MINK1: variants seen among roughly 807,000 people sequenced by gnomAD.
MINK1 encodes misshapen like kinase 1.
A neutral mutation model predicts 178.4 loss-of-function variants in MINK1; 46 were observed. The observed-to-expected ratio is 0.26, with a 90% confidence interval of 0.20 to 0.33. The LOEUF is 0.33. Among genes scored for constraint, MINK1 ranks in the 10% least tolerant of loss-of-function variants. The probability of loss-of-function intolerance (pLI) is 1.00; values close to 1 mark genes in which losing one functional copy is unlikely to be tolerated. For synonymous variants in MINK1, 797 were observed against 709.7 expected (o/e 1.12, Z -1.96); for missense variants, 1,366 against 1,814.9 (o/e 0.75, Z 4.49).
In MINK1 at chr17:4,895,938, C is replaced by T; in HGVS notation, c.3365-65C>T. 1 of 1,569,822 alleles carries T rather than the reference C, an allele frequency of 6.4e-7. No individual in the cohort carries two copies. Among genetic ancestry groups the T allele is most frequent in the Non-Finnish European group, 8.6e-7 (1 of 1,157,544 alleles). On this transcript the variant is annotated intron_variant, in intron 27 of 31. Coordinates refer to ENST00000355280, the MANE Select transcript of MINK1 (RefSeq NM_153827.5). The surrounding 1 kb of genome is among the most constrained non-coding windows in gnomAD (Gnocchi z 4.3). Reference sequence around the variant, plus strand: ...CTGGGTGGGGCAGTGTAGTGACAGACCACGGGGAGGCGCCCGTGGCGCAAG... The same window carrying T: ...CTGGGTGGGGCAGTGTAGTGACAGATCACGGGGAGGCGCCCGTGGCGCAAG...
chr17:4,854,183 G>GC (rs1018062410), intron 1 of MINK1, among the ~76,000 whole-genome samples: 7 of 152,234 alleles, frequency 4.6e-5, no homozygotes, highest in African/African-American at 1.7e-4. Context: ...TTTAGAACCA[G>GC]CGCAAGGCTG....
chr17:4,846,721 A>T (rs1176871308), intron 1 of MINK1, among the ~76,000 whole-genome samples: 1 of 152,164 alleles, frequency 6.6e-6, no homozygotes, highest in African/African-American at 2.4e-5. Flanking sequence ...ACCAGGCTGG[A>T]GTGCAGCGGC....
rs1197252486 is a variant in MINK1, at chr17:4,895,363, G to C, written c.3099G>C (p.Leu1033=). Residue 1033 remains leucine, a synonymous_variant, in exon 26 of 32, where the codon CTG becomes CTC. Transcript: ENST00000355280. This position sits in a 1 kb window ranked among gnomAD's most constrained non-coding sequence, Gnocchi z 4.3. ...CTCCTGTTGCAGGGGTCAACCTGCT[G>C]GTGGGCACGGAGAACGGGCTGATGT... ...LCAALWGVNL[L]VGTENGLMLL... The C allele has an allele frequency of 1.2e-6, 2 of 1,606,206 alleles. No homozygotes were observed. Among genetic ancestry groups the C allele is most frequent in the East Asian group, 2.2e-5 (1 of 44,768 alleles).
chr17:4,892,381 A>AC, intron 17 of MINK1, 21 bp from the exon 18 acceptor site: 1 of 1,209,618 alleles, frequency 8.3e-7, no homozygotes, highest in East Asian at 4.2e-5. Flanking sequence ...CCCCCTCGGC[A>AC]CCCCTGTGCT....
At chr17:4,859,069 C>T in intron 1 of MINK1, 2 of 940,220 alleles carry the variant, frequency 2.1e-6, no homozygotes, top group Non-Finnish European at 2.5e-6. Flanking sequence ...CTGGGAACAG[C>T]ACTGGCTCTA....
intron 1 of MINK1, among the ~76,000 whole-genome samples, chr17:4,856,567 G>A (rs1168538451): frequency 6.6e-6 from 1 of 152,136 alleles, no homozygotes; most frequent in African/African-American, 2.4e-5. Flanking sequence ...CCTCCATGAC[G>A]TGACAGATAG....
chr17:4,886,332 T>C lies in MINK1; in HGVS notation c.774-119T>C. 2.0e-6 allele frequency: 3 copies of C among 1,496,020 alleles called. No individual in the cohort carries two copies. Among genetic ancestry groups the C allele is most frequent in the South Asian group, 2.3e-5 (2 of 86,262 alleles). 92.7% of individuals were successfully genotyped at this position (1,496,020 alleles called of 1,614,324 possible). On this transcript the variant is annotated intron_variant, in intron 9 of 31. Coordinates refer to ENST00000355280, the MANE Select transcript of MINK1 (RefSeq NM_153827.5). The surrounding 1 kb of genome is among the most constrained non-coding windows in gnomAD (Gnocchi z 6.1). ...GGGGGGCAGAGGGCGGTGACTGGTG[T>C]TGGGATATGAAGACAGGAGGGACGT...
intron 17 of MINK1, 46 bp downstream of exon 17, chr17:4,892,280 C>T: frequency 6.5e-7 from 1 of 1,526,758 alleles, no homozygotes; most frequent in Non-Finnish European, 8.9e-7. Context: ...TGAGGGCAGC[C>T]TAGGGAGTAG....
Position 4,894,453 on chromosome 17 carries a change from G to A in MINK1, c.2809-72G>A, listed in dbSNP as rs565218954. On this transcript the variant is annotated intron_variant, in intron 23 of 31. Coordinates refer to ENST00000355280, the MANE Select transcript of MINK1 (RefSeq NM_153827.5). The surrounding 1 kb of genome is among the most constrained non-coding windows in gnomAD (Gnocchi z 4.1). ...GTGCCAGTTGGGGAGCTGGAGCCTGGGGAACAGCAGCAGGGGCAGGGCCGC... is the reference window on the plus strand; with the variant it reads ...GTGCCAGTTGGGGAGCTGGAGCCTGAGGAACAGCAGCAGGGGCAGGGCCGC... 1 of 1,519,824 alleles carries A rather than the reference G, an allele frequency of 6.6e-7. No individual in the cohort carries two copies. The highest frequency in any genetic ancestry group is 8.9e-7 in the Non-Finnish European group (1 of 1,118,168). The allele number at this position is 1,519,824 out of a possible 1,614,324, so 94.1% of individuals were successfully genotyped here. A position where few individuals can be genotyped will look rare whatever the true frequency, so the allele number is the denominator to read the frequency against.
chr17:4,897,414 C>A lies in MINK1; in HGVS notation c.*127C>A. ...ACTGGTTTGATTTCACTGGAGCCTG[C>A]TGGGAACGTGACCTCTGACCCCTGA... On this transcript the variant is annotated 3_prime_UTR_variant, in exon 32 of 32. Transcript: ENST00000355280. 1.2e-6 allele frequency: 1 copy of A among 807,482 alleles called. No individual in the cohort carries two copies. The highest frequency in any genetic ancestry group is 2.0e-6 in the Non-Finnish European group (1 of 501,142). The allele number at this position is 807,482 out of a possible 1,614,324, so 50.0% of individuals were successfully genotyped here.
intron 1 of MINK1, among the ~76,000 whole-genome samples, chr17:4,842,822 C>T (rs566868390): frequency 2.0e-5 from 3 of 152,348 alleles, no homozygotes; most frequent in Non-Finnish European, 4.4e-5. Flanking sequence ...TTTCATCCTA[C>T]ACTTGTCTTT....
At chr17:4,862,086 C>T (rs573924291) in intron 1 of MINK1, among the ~76,000 whole-genome samples, 1 of 152,124 alleles carries the variant, frequency 6.6e-6, no homozygotes, top group East Asian at 1.9e-4. Flanking sequence ...AGCTTCTGTT[C>T]TACTTGTGGA....
In MINK1 at chr17:4,895,103, C is replaced by T. The variant is rs370114801; in HGVS notation, c.2946C>T (p.Leu982=). 4.3e-6 allele frequency: 7 copies of T among 1,613,598 alleles called. No homozygotes were observed. Among genetic ancestry groups the T allele is most frequent in the African/African-American group, 1.3e-5 (1 of 75,026 alleles). The part of the protein sequence containing the change: ...TALVGGEGTR[L]DQLQYDVRKG... ...TAGTGGGTGGAGAGGGCACTCGGCT[C>T]GACCAGCTGCAGTACGACGTGAGGA... is the stretch of plus-strand genomic sequence containing the variant. The change falls in exon 25 of 32, where the codon CTC becomes CTT. Residue 982 remains leucine (L), a synonymous_variant. Coordinates refer to ENST00000355280, the MANE Select transcript of MINK1 (RefSeq NM_153827.5). The surrounding 1 kb of genome is among the most constrained non-coding windows in gnomAD (Gnocchi z 4.3).
intron 2 of MINK1, 73 bp from the exon 3 acceptor site, chr17:4,880,911 C>G (rs2150990851): frequency 1.5e-6 from 2 of 1,377,592 alleles, no homozygotes; most frequent in Non-Finnish European, 9.5e-7. Flanking sequence ...AAAAAAAAAG[C>G]TGTGTCTCCT....
At position 4,833,611 on chromosome 17, in the gene MINK1, C is replaced by T; in HGVS notation, c.28C>T (p.Leu10=). MGDPAPARS[L]DDIDLSALRD... is the part of the protein sequence containing the mutation. Reference sequence around the variant, plus strand: ...GGGCGACCCAGCCCCCGCCCGCAGCCTGGACGACATCGACCTGTCCGCCCT... The same window carrying T: ...GGGCGACCCAGCCCCCGCCCGCAGCTTGGACGACATCGACCTGTCCGCCCT... The change falls in exon 1 of 32, where the codon CTG becomes TTG. Residue 10 remains leucine, a synonymous_variant. Transcript: ENST00000355280. The surrounding 1 kb of genome is among the most constrained non-coding windows in gnomAD (Gnocchi z 4.8). The T allele has an allele frequency of 6.7e-7, 1 of 1,502,270 alleles. No individual in the cohort carries two copies. The highest frequency in any genetic ancestry group is 1.2e-5 in the South Asian group (1 of 80,636). 93.1% of individuals were successfully genotyped at this position (1,502,270 alleles called of 1,614,324 possible). A position where few individuals can be genotyped will look rare whatever the true frequency, so the allele number is the denominator to read the frequency against.
At position 4,868,585 on chromosome 17, in the gene MINK1, C is replaced by G. The variant is rs114512743; in HGVS notation, c.58-9732C>G. On this transcript the variant is annotated intron_variant, in intron 1 of 31. Transcript: ENST00000355280. ...GCTCTTCCATGTTGCTGCAAGTGGA[C>G]AGATTTCATTACTTTTTATGGATGA... Among the ~76,000 whole-genome samples the G allele has an allele frequency of 1.5e-3, 235 of 152,284 alleles. 1 individual carries two copies. The highest frequency in any genetic ancestry group is 0.01 in the Middle Eastern group (3 of 294).
chr17:4,867,535 C>T (rs1915213121), intron 1 of MINK1, among the ~76,000 whole-genome samples: 1 of 152,010 alleles, frequency 6.6e-6, no homozygotes, highest in African/African-American at 2.4e-5. Flanking sequence ...TACAGTGGCT[C>T]ACGCCTATAA....
At chr17:4,871,404 T>C (rs1915845874) in intron 1 of MINK1, among the ~76,000 whole-genome samples, 1 of 151,900 alleles carries the variant, frequency 6.6e-6, no homozygotes, top group African/African-American at 2.4e-5. Context: ...CTTGCCAAGG[T>C]TGGTCTCAAA....
chr17:4,860,800 C>A (rs756925273), intron 1 of MINK1: 1 of 520,002 alleles, frequency 1.9e-6, no homozygotes, highest in Non-Finnish European at 3.8e-6. Context: ...GGCGCTGTGT[C>A]CCTTAACTGT....
Sources: allele counts gnomAD v4.1 joint callset (sites outside exome capture counted in the v4.1 genomes callset), GRCh38; gene constraint gnomAD v4.1.1; non-coding constraint Gnocchi (gnomAD v3.1); transcripts MANE v1.5; gene names NCBI Gene and HGNC (gene_info 2026-07-23, HGNC 2026-07-21).